Variants in PALM2AKAP2 observed in about 807,000 individuals in gnomAD.
PALM2AKAP2 encodes the protein PALM2-AKAP2 fusion protein.
Under a neutral mutation model 71.5 loss-of-function variants are expected in PALM2AKAP2, and 37 were observed. The observed-to-expected ratio is 0.52, with a 90% CI of 0.40 to 0.68. PALM2AKAP2 has a LOEUF of 0.68. Ranked by LOEUF, PALM2AKAP2 falls within the 30% of genes least tolerant of loss-of-function variation. The pLI is 0.00. For missense variants in PALM2AKAP2, 1,224 were observed against 1,191.8 expected (o/e 1.03, Z -0.40); for synonymous variants, 468 against 478.8 (o/e 0.98, Z 0.29).
intron 1 of PALM2AKAP2, among the ~76,000 whole-genome samples, chr9:109,694,586 T>C (rs1827941970): frequency 1.3e-5 from 2 of 152,200 alleles, no homozygotes; most frequent in South Asian, 4.1e-4. Flanking sequence ...TGCTTATTTC[T>C]TGGAAAGGAA....
chr9:110,116,198 C>A (rs1016267769), intron 1 of PALM2AKAP2, among the ~76,000 whole-genome samples: 2 of 152,206 alleles, frequency 1.3e-5, no homozygotes, highest in Non-Finnish European at 2.9e-5. Context: ...GAGTTACATT[C>A]TGTTCCAAGC....
At chr9:109,747,669 A>AT (rs575473857) in intron 1 of PALM2AKAP2, among the ~76,000 whole-genome samples, 6 of 151,716 alleles carry the variant, frequency 4.0e-5, no homozygotes, top group Non-Finnish European at 7.4e-5. Context: ...TAACTCCATA[A>AT]TTTTTTTCTT....
chr9:110,146,631 C>T (rs1244818060), intron 2 of PALM2AKAP2, among the ~76,000 whole-genome samples: 1 of 152,168 alleles, frequency 6.6e-6, no homozygotes, highest in Non-Finnish European at 1.5e-5. Context: ...GCAGGATGTC[C>T]TCTGTGACTG....
At chr9:109,783,698 A>G (rs1826884196) in intron 1 of PALM2AKAP2, among the ~76,000 whole-genome samples, 1 of 152,182 alleles carries the variant, frequency 6.6e-6, no homozygotes, top group Non-Finnish European at 1.5e-5. Context: ...CAGAGATATG[A>G]CTTGAGGATT....
At chr9:109,759,795 A>C (rs1829022688) in intron 1 of PALM2AKAP2, among the ~76,000 whole-genome samples, 1 of 152,156 alleles carries the variant, frequency 6.6e-6, no homozygotes, top group Non-Finnish European at 1.5e-5. Flanking sequence ...TATGTACATG[A>C]GTATTTCCAG....
intron 7 of PALM2AKAP2, among the ~76,000 whole-genome samples, chr9:110,031,419 T>G (rs1052642154): frequency 6.6e-6 from 1 of 152,138 alleles, no homozygotes; most frequent in Admixed American, 6.5e-5. Context: ...TGTGAGCCAC[T>G]GCACCCCACC....
At chr9:109,811,424 A>C (rs1827722958) in intron 1 of PALM2AKAP2, among the ~76,000 whole-genome samples, 1 of 152,140 alleles carries the variant, frequency 6.6e-6, no homozygotes, top group Non-Finnish European at 1.5e-5. Context: ...ATTTGACTTA[A>C]CAAACTGGAC....
intron 1 of PALM2AKAP2, among the ~76,000 whole-genome samples, chr9:109,757,966 C>T (rs550287712): frequency 6.6e-6 from 1 of 152,030 alleles, no homozygotes; most frequent in East Asian, 1.9e-4. Flanking sequence ...AACTGCTTTA[C>T]CCATCCTAAC....
rs189297553 is a variant in PALM2AKAP2, at chr9:109,969,452, C to T, written c.496+37424C>T. 9.0e-4 allele frequency among the ~76,000 whole-genome samples: 137 copies of T among 152,286 alleles called. 1 individual carries two copies. The highest frequency in any genetic ancestry group is 3.1e-3 in the African/African-American group (128 of 41,544). ...GTCCACACACTTATGCAAGAAGTGC[C>T]ACTTTGTTTTCTTTAAATCAAGTGA... On this transcript the variant is annotated intron_variant, in intron 6 of 9. Transcript: ENST00000302798.
chr9:110,167,682 G>T (rs1487291045), intron 3 of PALM2AKAP2, among the ~76,000 whole-genome samples: 4 of 152,068 alleles, frequency 2.6e-5, no homozygotes, highest in East Asian at 3.8e-4. Context: ...ATTGATCCAA[G>T]AACTTTTTTT....
At chr9:110,168,559 A>T in exon 4 of PALM2AKAP2, 1 of 1,574,830 alleles carries the variant, frequency 6.3e-7, no homozygotes, top group Non-Finnish European at 8.6e-7. Context: ...AGAAATTAAC[A>T]ACTGAAAGCA....
chr9:109,922,077 T>C (rs1196649599), intron 3 of PALM2AKAP2, among the ~76,000 whole-genome samples: 1 of 151,978 alleles, frequency 6.6e-6, no homozygotes, highest in Non-Finnish European at 1.5e-5. Flanking sequence ...TCTGAACTCC[T>C]TATTTTAGGT....
intron 1 of PALM2AKAP2, among the ~76,000 whole-genome samples, chr9:109,782,904 C>T (rs1826858247): frequency 6.6e-6 from 1 of 152,010 alleles, no homozygotes. Flanking sequence ...ATTCTGCAAA[C>T]CCTGACTCTC....
chr9:109,786,496 C>T (rs1429493985), intron 1 of PALM2AKAP2, among the ~76,000 whole-genome samples: 1 of 152,232 alleles, frequency 6.6e-6, no homozygotes, highest in Non-Finnish European at 1.5e-5. Context: ...AGATGACACC[C>T]TGCTTCTAAA....
intron 2 of PALM2AKAP2, among the ~76,000 whole-genome samples, chr9:110,149,119 T>C (rs1387362327): frequency 6.6e-6 from 1 of 152,228 alleles, no homozygotes; most frequent in African/African-American, 2.4e-5. Flanking sequence ...GCTTGCTTTC[T>C]CTGGACCACA....
At chr9:109,706,480 T>G (rs1039680371) in intron 1 of PALM2AKAP2, among the ~76,000 whole-genome samples, 1 of 152,202 alleles carries the variant, frequency 6.6e-6, no homozygotes, top group Non-Finnish European at 1.5e-5. Context: ...GTGCAGCCAC[T>G]TTGGAAAAAA....
At chr9:110,114,007 G>A (rs1835308697) in intron 1 of PALM2AKAP2, among the ~76,000 whole-genome samples, 1 of 152,158 alleles carries the variant, frequency 6.6e-6, no homozygotes, top group Non-Finnish European at 1.5e-5. Context: ...CTGTCCTCTT[G>A]GAAATCCTCA....
intron 6 of PALM2AKAP2, among the ~76,000 whole-genome samples, chr9:109,949,208 G>C (rs1831579744): frequency 6.6e-6 from 1 of 152,226 alleles, no homozygotes; most frequent in Non-Finnish European, 1.5e-5. Flanking sequence ...CAGGGAGACA[G>C]GCCACATGGA....
intron 3 of PALM2AKAP2, among the ~76,000 whole-genome samples, chr9:109,891,179 T>G (rs967635073): frequency 2.0e-5 from 3 of 152,206 alleles, no homozygotes; most frequent in Non-Finnish European, 4.4e-5. Flanking sequence ...TCAGGGCCAT[T>G]GCTGGGCCAC....
Sources: allele counts gnomAD v4.1 joint callset (sites outside exome capture counted in the v4.1 genomes callset), GRCh38; gene constraint gnomAD v4.1.1; transcripts MANE v1.5; gene names NCBI Gene and HGNC (gene_info 2026-07-23, HGNC 2026-07-21).